Variants in KLF12 observed in about 807,000 individuals in gnomAD.
KLF12 encodes KLF transcription factor 12.
In KLF12, 9 loss-of-function variants were observed where a neutral mutation model predicts 37.8. The observed-to-expected ratio is 0.24, with a 90% CI of 0.14 to 0.42. KLF12 has a LOEUF of 0.42. Ranked by LOEUF, KLF12 falls within the 10% of genes least tolerant of loss-of-function variation. KLF12 has a pLI of 1.00. For missense variants in KLF12, 411 were observed against 516.0 expected (o/e 0.80, Z 1.97); for synonymous variants, 208 against 202.1 (o/e 1.03, Z -0.25).
chr13:74,179,930 C>T, the KLF12 span, among the ~76,000 whole-genome samples: 1 of 152,156 alleles, frequency 6.6e-6, no homozygotes, highest in African/African-American at 2.4e-5. Flanking sequence ...AAGTTTCTTA[C>T]CCATTTTGGG....
chr13:73,837,358 G>A (rs897501936), intron 4 of KLF12, among the ~76,000 whole-genome samples: 7 of 152,152 alleles, frequency 4.6e-5, no homozygotes, highest in African/African-American at 1.2e-4. Flanking sequence ...CAGCGAAATC[G>A]ACAGATTGTA....
intron 3 of KLF12, among the ~76,000 whole-genome samples, chr13:73,902,801 C>T (rs73539926): frequency 0.047 from 7,155 of 152,202 alleles, 384 homozygotes; most frequent in African/African-American, 0.13. Flanking sequence ...ACTTTCAATG[C>T]AATGATTTAA....
intron 1 of KLF12, among the ~76,000 whole-genome samples, chr13:74,127,226 G>A (rs1446351503): frequency 6.6e-6 from 1 of 152,216 alleles, no homozygotes; most frequent in Non-Finnish European, 1.5e-5. Context: ...TATAAATGCA[G>A]CATGGTTTAA....
intron 6 of KLF12, among the ~76,000 whole-genome samples, chr13:73,728,361 C>T (rs1056099774): frequency 6.6e-6 from 1 of 152,112 alleles, no homozygotes; most frequent in Non-Finnish European, 1.5e-5. Context: ...TTTTGGGAGG[C>T]GCCCTTTAGA....
chr13:74,083,548 A>T (rs1875069650), intron 1 of KLF12, among the ~76,000 whole-genome samples: 1 of 151,042 alleles, frequency 6.6e-6, no homozygotes, highest in Non-Finnish European at 1.5e-5. Context: ...ACAAACATTT[A>T]ATACATTCTC....
At chr13:74,134,423 T>C (rs1878451070), upstream of KLF12, among the ~76,000 whole-genome samples, 1 of 151,720 alleles carries the variant, frequency 6.6e-6, no homozygotes, top group Non-Finnish European at 1.5e-5. Context: ...AAATCCCCTG[T>C]GGGAAACTAA....
the KLF12 span, among the ~76,000 whole-genome samples, chr13:74,297,133 T>C: frequency 3.5e-4 from 54 of 152,248 alleles, no homozygotes; most frequent in Non-Finnish European, 6.2e-4. Context: ...AGACATTCAG[T>C]TGGGCCTATA....
chr13:74,283,978 G>A, the KLF12 span, among the ~76,000 whole-genome samples: 1 of 151,332 alleles, frequency 6.6e-6, no homozygotes, highest in Non-Finnish European at 1.5e-5. Flanking sequence ...TCCTACCTCA[G>A]CCTCCCGTAG....
intron 5 of KLF12, among the ~76,000 whole-genome samples, chr13:73,781,386 C>T (rs528215908): frequency 5.7e-4 from 87 of 152,244 alleles, no homozygotes; most frequent in African/African-American, 2.0e-3. Context: ...TGAGGTACAC[C>T]ACTATTTATT....
chr13:73,725,654 T>C (rs542539953), intron 6 of KLF12, among the ~76,000 whole-genome samples: 338 of 151,548 alleles, frequency 2.2e-3, no homozygotes, highest in Non-Finnish European at 3.8e-3. Flanking sequence ...CTTGTACTAA[T>C]AGCCTCATTC....
At chr13:73,826,391 C>A (rs765844922) in intron 4 of KLF12, among the ~76,000 whole-genome samples, 1 of 152,152 alleles carries the variant, frequency 6.6e-6, no homozygotes, top group South Asian at 2.1e-4. Flanking sequence ...TATAAACAAC[C>A]ATTTAACATA....
rs1285969382 is a variant in KLF12, at chr13:73,688,734, A to G, written c.*6756T>C. ...CAGTACCATTGTTAAGTCATGTGTT[A>G]TATCATGTCCCGATATTTCACTTGA... On this transcript the variant is annotated 3_prime_UTR_variant, in exon 8 of 8. Transcript: ENST00000377669. The G allele has an allele frequency of 6.6e-6, 1 of 152,174 alleles. No homozygotes were observed. The highest frequency in any genetic ancestry group is 2.4e-5 in the African/African-American group (1 of 41,434). The allele number at this position is 152,174 out of a possible 1,614,324, so 9.4% of individuals were successfully genotyped here.
chr13:74,066,759 A>G (rs1873939947), intron 1 of KLF12, among the ~76,000 whole-genome samples: 1 of 152,190 alleles, frequency 6.6e-6, no homozygotes, highest in African/African-American at 2.4e-5. Context: ...TTAAATATCA[A>G]AGATAGCTGT....
At chr13:73,860,981 GTA>G (rs1277608701) in intron 3 of KLF12, among the ~76,000 whole-genome samples, 9 of 152,088 alleles carry the variant, frequency 5.9e-5, no homozygotes, top group Admixed American at 5.2e-4. Context: ...AAAATCAAAT[GTA>G]TGAGTCATAT....
At chr13:74,261,136 T>TA in the KLF12 span, among the ~76,000 whole-genome samples, 1 of 152,140 alleles carries the variant, frequency 6.6e-6, no homozygotes, top group East Asian at 1.9e-4. Flanking sequence ...ATTGAAATTT[T>TA]AAAAAAATTT....
chr13:73,764,475 A>AC (rs1555302769), intron 6 of KLF12, among the ~76,000 whole-genome samples: 1 of 111,606 alleles, frequency 9.0e-6, no homozygotes, highest in Non-Finnish European at 2.2e-5. Flanking sequence ...TACTCCCCAA[A>AC]TTAAAAAAAA....
At chr13:74,141,901 TAGTCCTAATC>T in the KLF12 span, among the ~76,000 whole-genome samples, 30 of 152,368 alleles carry the variant, frequency 2.0e-4, no homozygotes, top group African/African-American at 7.2e-4. Context: ...CATAATGTTT[TAGTCCTAATC>T]AGTCCTAAAT....
At chr13:74,024,135 C>G (rs1422994879) in intron 1 of KLF12, among the ~76,000 whole-genome samples, 1 of 152,188 alleles carries the variant, frequency 6.6e-6, no homozygotes, top group Non-Finnish European at 1.5e-5. Flanking sequence ...CCAATAGATA[C>G]ACTGTCATAT....
chr13:74,044,833 A>G (rs1007140340), intron 1 of KLF12, among the ~76,000 whole-genome samples: 2 of 151,920 alleles, frequency 1.3e-5, no homozygotes, highest in Non-Finnish European at 2.9e-5. Context: ...TGACAAAGTG[A>G]AACTCCATCT....
Sources: gnomAD v4.1 joint callset for allele counts (sites outside exome capture counted in the v4.1 genomes callset) on GRCh38, gnomAD v4.1.1 for gene constraint, MANE v1.5 for transcripts, NCBI Gene and HGNC (gene_info 2026-07-23, HGNC 2026-07-21) for gene names.